Variants in TAOK3 observed in about 807,000 individuals in gnomAD.
The protein encoded by TAOK3 is serine/threonine-protein kinase TAO3.
In TAOK3, 40 loss-of-function variants were observed where a neutral mutation model predicts 120.4. The ratio of observed to expected loss-of-function variants is 0.33; its 90% CI spans 0.26 to 0.43. TAOK3 has a LOEUF of 0.43. Ranked by LOEUF, TAOK3 falls within the 20% of genes least tolerant of loss-of-function variation. The pLI, the probability that TAOK3 is intolerant of heterozygous loss-of-function variation, is 1.00. For synonymous variants in TAOK3, 355 were observed against 387.5 expected (o/e 0.92, Z 0.99); for missense variants, 821 against 1,112.1 (o/e 0.74, Z 3.72).
At chr12:118,360,685 C>A (rs968879476) in intron 1 of TAOK3, among the ~76,000 whole-genome samples, 1 of 151,970 alleles carries the variant, frequency 6.6e-6, no homozygotes, top group Non-Finnish European at 1.5e-5. Context: ...AAATAAAGTC[C>A]CTGTGGTCAT....
intron 1 of TAOK3, among the ~76,000 whole-genome samples, chr12:118,279,756 GTTTTTATTGTTGT>G: frequency 7.2e-6 from 1 of 139,144 alleles, no homozygotes; most frequent in African/African-American, 2.8e-5. Flanking sequence ...GCTAATTTTT[GTTTTTATTGTTGT>G]TTTTTTTTTT....
intron 9 of TAOK3, among the ~76,000 whole-genome samples, chr12:118,231,076 G>A (rs1427574435): frequency 1.3e-5 from 2 of 152,116 alleles, no homozygotes; most frequent in Non-Finnish European, 2.9e-5. Flanking sequence ...ATATTATTAA[G>A]TGAAAAACCA....
chr12:118,201,119 A>T, intron 12 of TAOK3, 177 bp downstream of exon 12: 1 of 568,070 alleles, frequency 1.8e-6, no homozygotes, highest in Non-Finnish European at 3.0e-6. Flanking sequence ...AGCACTTTTC[A>T]TATTTTGCCT....
chr12:118,334,150 AAAAAAAG>A lies in TAOK3; in HGVS notation c.-194+38491_-194+38497del, dbSNP rs1334791726. Among the ~76,000 whole-genome samples, 436 of 151,582 alleles carry A rather than the reference AAAAAAAG, an allele frequency of 2.9e-3. 1 individual carries two copies. Among genetic ancestry groups the A allele is most frequent in the South Asian group, 4.1e-3 (20 of 4,824 alleles). On this transcript the variant is annotated intron_variant, in intron 1 of 20. Transcript: ENST00000392533. The stretch of plus-strand genomic sequence containing the variant: ...AACTCCCATCTCCAAAAAAAAAAAA[AAAAAAAG>A]AAAAAAGAAATAATGATATTGAAGG...
At chr12:118,285,009 T>TA (rs550415823) in intron 1 of TAOK3, among the ~76,000 whole-genome samples, 20,044 of 144,966 alleles carry the variant, frequency 0.14, 1,364 homozygotes, top group Middle Eastern at 0.16. Flanking sequence ...TGCTTCATTG[T>TA]AAAAAAAAAA....
intron 1 of TAOK3, among the ~76,000 whole-genome samples, chr12:118,315,647 G>T (rs1369390346): frequency 6.6e-6 from 1 of 152,012 alleles, no homozygotes; most frequent in African/African-American, 2.4e-5. Context: ...CATGGATATT[G>T]GTTATATTCT....
At chr12:118,231,370 CTT>C (rs76340764) in intron 9 of TAOK3, among the ~76,000 whole-genome samples, 1 of 138,828 alleles carries the variant, frequency 7.2e-6, no homozygotes, top group African/African-American at 2.6e-5. Flanking sequence ...TCCAGGAATT[CTT>C]TTTTTTTTTT....
At chr12:118,276,678 G>A (rs1048048874) in intron 1 of TAOK3, among the ~76,000 whole-genome samples, 1 of 151,886 alleles carries the variant, frequency 6.6e-6, no homozygotes, top group African/African-American at 2.4e-5. Context: ...CTCCAGCCTG[G>A]GCAACACAGC....
intron 1 of TAOK3, among the ~76,000 whole-genome samples, chr12:118,347,139 G>C (rs527906949): frequency 6.6e-6 from 1 of 152,078 alleles, no homozygotes; most frequent in Admixed American, 6.5e-5. Flanking sequence ...GAGTAGCTGG[G>C]ACCGCAGACA....
chr12:118,283,054 T>A (rs925994821), intron 1 of TAOK3, among the ~76,000 whole-genome samples: 19 of 152,206 alleles, frequency 1.2e-4, no homozygotes, highest in African/African-American at 4.6e-4. Context: ...TCTAATTCTG[T>A]CTCCTTAATT....
intron 1 of TAOK3, among the ~76,000 whole-genome samples, chr12:118,291,796 G>A (rs1022848038): frequency 2.0e-5 from 3 of 152,142 alleles, no homozygotes; most frequent in African/African-American, 7.2e-5. Flanking sequence ...GAAATAAAAT[G>A]TATACTACAT....
chr12:118,363,033 A>G (rs1309972282), intron 1 of TAOK3, among the ~76,000 whole-genome samples: 1 of 150,536 alleles, frequency 6.6e-6, no homozygotes, highest in African/African-American at 2.4e-5. Flanking sequence ...AAAAAAAAAA[A>G]AAAAAAAAAA....
intron 9 of TAOK3, among the ~76,000 whole-genome samples, chr12:118,223,467 C>G (rs2039349357): frequency 6.6e-6 from 1 of 151,766 alleles, no homozygotes; most frequent in Non-Finnish European, 1.5e-5. Context: ...CTGCCTCAGC[C>G]TCCTGAATAG....
chr12:118,197,338 A>G (rs910789832), intron 13 of TAOK3, among the ~76,000 whole-genome samples: 5 of 152,322 alleles, frequency 3.3e-5, no homozygotes, highest in Non-Finnish European at 7.4e-5. Flanking sequence ...CTTCTACTTC[A>G]GAATATAAAT....
Position 118,285,541 on chromosome 12 carries a change from G to T in TAOK3, c.-193-18782C>A, listed in dbSNP as rs931455397. On this transcript the variant is annotated intron_variant, in intron 1 of 20. Transcript: ENST00000392533. ...CTAATTTTTCTATTTTTAGTAGAGA[G>T]GGGTTTTCACCATGTTGGCCAGGCT... is the stretch of plus-strand genomic sequence containing the variant. 4.0e-5 allele frequency among the ~76,000 whole-genome samples: 6 copies of T among 150,708 alleles called. No individual in the cohort carries two copies. In the East Asian group the frequency reaches 1.2e-3, roughly 30 times the overall value.
chr12:118,151,983 C>G (rs919887948), intron 20 of TAOK3, among the ~76,000 whole-genome samples: 1 of 152,128 alleles, frequency 6.6e-6, no homozygotes, highest in African/African-American at 2.4e-5. Context: ...TGGCTGGGAA[C>G]GTTGAGGGTT....
At chr12:118,361,110 A>T (rs1369589663) in intron 1 of TAOK3, among the ~76,000 whole-genome samples, 2 of 152,350 alleles carry the variant, frequency 1.3e-5, no homozygotes, top group African/African-American at 4.8e-5. Context: ...TTCAGGGTCA[A>T]TATCAGCATC....
intron 12 of TAOK3, 140 bp from the exon 13 acceptor site, chr12:118,199,397 T>C: frequency 3.0e-6 from 2 of 662,678 alleles, no homozygotes; most frequent in Non-Finnish European, 5.4e-6. Flanking sequence ...TTTTATGTAC[T>C]GGCTCCACTA....
intron 1 of TAOK3, among the ~76,000 whole-genome samples, chr12:118,333,906 C>T (rs1045529808): frequency 6.6e-6 from 1 of 151,110 alleles, no homozygotes; most frequent in Non-Finnish European, 1.5e-5. Context: ...GAGGCCGAGG[C>T]GGGCAGACCA....
Sources: gnomAD v4.1 joint callset for allele counts (sites outside exome capture counted in the v4.1 genomes callset) on GRCh38, gnomAD v4.1.1 for gene constraint, MANE v1.5 for transcripts, NCBI Gene and HGNC (gene_info 2026-07-23, HGNC 2026-07-21) for gene names.